Variants in RBFOX1 observed in about 807,000 individuals in gnomAD.
RBFOX1 encodes the protein RNA binding fox-1 homolog 1, also known as RNA binding protein fox-1 homolog 1.
RBFOX1 carries 8 observed loss-of-function variants against 57.7 expected under a neutral mutation model. The observed-to-expected ratio is 0.14, with a 90% CI of 0.08 to 0.25. The LOEUF is 0.25. RBFOX1 is among the 10% of genes least tolerant of loss of function. The pLI, the probability that RBFOX1 is intolerant of heterozygous loss-of-function variation, is 1.00. For missense variants in RBFOX1, 611 were observed against 548.5 expected, an observed-to-expected ratio of 1.11 and a Z score of -1.14; for synonymous variants, 326 against 222.4, an observed-to-expected ratio of 1.47 and a Z score of -4.15.
In RBFOX1 at chr16:6,898,900, CGT is replaced by C. The variant is rs1491303721; in HGVS notation, c.-15-153156_-15-153155del. ...ACGTGTATAATACGTGTGTGCATCT[CGT>C]ATGTGTTTGTGCATATGTGTATATG... On this transcript the variant is annotated intron_variant, in intron 3 of 15. Transcript: ENST00000550418. Among the ~76,000 whole-genome samples, 960 of 142,806 alleles carry C rather than the reference CGT, an allele frequency of 6.7e-3. 16 individuals carry two copies. Among genetic ancestry groups the C allele is most frequent in the African/African-American group, 0.027 (912 of 34,078 alleles). 93.7% of individuals were successfully genotyped at this position (142,806 alleles called of 152,430 possible).
intron 1 of RBFOX1, among the ~76,000 whole-genome samples, chr16:5,373,476 C>T (rs76669676): frequency 0.035 from 5,364 of 152,160 alleles, 159 homozygotes; most frequent in East Asian, 0.089. Flanking sequence ...CTTTCTCTTC[C>T]TCCTCCTCTG....
At chr16:6,503,100 G>A (rs982359664) in intron 2 of RBFOX1, among the ~76,000 whole-genome samples, 4 of 152,168 alleles carry the variant, frequency 2.6e-5, no homozygotes, top group African/African-American at 9.7e-5. Context: ...ACAGACCTAA[G>A]AAACTATGAA....
At chr16:5,948,549 A>T (rs2059451361) in intron 4 of RBFOX1, among the ~76,000 whole-genome samples, 1 of 152,190 alleles carries the variant, frequency 6.6e-6, no homozygotes, top group African/African-American at 2.4e-5. Flanking sequence ...TAATTCATTG[A>T]CTGGTCTCCT....
intron 3 of RBFOX1, among the ~76,000 whole-genome samples, chr16:5,609,268 T>G (rs1435757610): frequency 6.6e-6 from 1 of 152,228 alleles, no homozygotes; most frequent in Non-Finnish European, 1.5e-5. Context: ...GCTATCTCAT[T>G]TTACAGAAAG....
At chr16:6,414,745 AG>A (rs2093573362) in intron 2 of RBFOX1, among the ~76,000 whole-genome samples, 1 of 152,180 alleles carries the variant, frequency 6.6e-6, no homozygotes. Context: ...TCTACAAAGC[AG>A]GGATTCTTAC....
intron 3 of RBFOX1, among the ~76,000 whole-genome samples, chr16:6,749,404 A>G (rs1163757630): frequency 2.0e-5 from 3 of 152,152 alleles, no homozygotes; most frequent in Admixed American, 1.3e-4. Context: ...GAGGCATGAG[A>G]TGGACCCTGG....
At chr16:6,235,085 A>C (rs1351242657) in intron 1 of RBFOX1, among the ~76,000 whole-genome samples, 2 of 152,174 alleles carry the variant, frequency 1.3e-5, no homozygotes. Flanking sequence ...GATATGGAAT[A>C]TAATTTGCTC....
chr16:5,873,210 A>T (rs1380742052), intron 4 of RBFOX1, among the ~76,000 whole-genome samples: 1 of 152,130 alleles, frequency 6.6e-6, no homozygotes, highest in Non-Finnish European at 1.5e-5. Flanking sequence ...TAAATAACCT[A>T]ATTAGGAATC....
chr16:7,304,588 G>T, intron 4 of RBFOX1: 1 of 985,334 alleles, frequency 1.0e-6, no homozygotes, highest in Non-Finnish European at 1.2e-6. Flanking sequence ...AGGTTCTGAG[G>T]AGGGGGCTCC....
intron 3 of RBFOX1, among the ~76,000 whole-genome samples, chr16:5,859,001 G>C (rs1293781615): frequency 1.3e-5 from 2 of 152,150 alleles, no homozygotes; most frequent in African/African-American, 4.8e-5. Flanking sequence ...GATCACATGA[G>C]ATCAGGAGTT....
chr16:7,193,038 C>T (rs28597946), intron 4 of RBFOX1, among the ~76,000 whole-genome samples: 15,098 of 152,222 alleles, frequency 0.099, 825 homozygotes, highest in African/African-American at 0.11. Context: ...ATGTCTTAAT[C>T]TCTGGAACCT....
intron 3 of RBFOX1, among the ~76,000 whole-genome samples, chr16:6,661,924 G>A (rs1348998802): frequency 2.6e-5 from 4 of 152,180 alleles, no homozygotes; most frequent in South Asian, 2.1e-4. Context: ...CATCATGGGA[G>A]TTCTACAATG....
intron 1 of RBFOX1, among the ~76,000 whole-genome samples, chr16:5,310,125 G>A (rs761630627): frequency 5.9e-5 from 9 of 152,140 alleles, no homozygotes; most frequent in Non-Finnish European, 8.8e-5. Flanking sequence ...GAGTGTAGAG[G>A]TAAAAAGTGT....
intron 4 of RBFOX1, among the ~76,000 whole-genome samples, chr16:7,148,046 C>G (rs546353667): frequency 3.3e-5 from 5 of 152,254 alleles, no homozygotes; most frequent in African/African-American, 1.2e-4. Context: ...AAATGAAAAA[C>G]TTTCTCTTTA....
intron 2 of RBFOX1, among the ~76,000 whole-genome samples, chr16:6,623,387 C>T (rs2154046899): frequency 6.6e-6 from 1 of 151,962 alleles, no homozygotes; most frequent in South Asian, 2.1e-4. Context: ...TTCTGATTGT[C>T]ACTTTCATGC....
At chr16:7,275,641 G>T (rs1050061077) in intron 4 of RBFOX1, among the ~76,000 whole-genome samples, 7 of 150,680 alleles carry the variant, frequency 4.6e-5, no homozygotes, top group Admixed American at 3.3e-4. Context: ...CAAATGATGA[G>T]CTTATCTGTT....
intron 3 of RBFOX1, among the ~76,000 whole-genome samples, chr16:6,995,446 T>A (rs1445854779): frequency 1.3e-5 from 2 of 151,916 alleles, no homozygotes; most frequent in East Asian, 3.9e-4. Flanking sequence ...CCCAAGCAAA[T>A]AATCTTGCTG....
At chr16:6,939,817 T>G (rs1408354229) in intron 3 of RBFOX1, among the ~76,000 whole-genome samples, 1 of 152,178 alleles carries the variant, frequency 6.6e-6, no homozygotes, top group Non-Finnish European at 1.5e-5. Flanking sequence ...GGACCAGAAT[T>G]TTTCACTAAG....
intron 2 of RBFOX1, among the ~76,000 whole-genome samples, chr16:6,595,783 G>A (rs368326258): frequency 6.6e-6 from 1 of 152,134 alleles, no homozygotes; most frequent in Non-Finnish European, 1.5e-5. Context: ...TCATGGATTT[G>A]ACTTGCATTT....
Sources: gnomAD v4.1 joint callset for allele counts (sites outside exome capture counted in the v4.1 genomes callset) on GRCh38, gnomAD v4.1.1 for gene constraint, MANE v1.5 for transcripts, NCBI Gene and HGNC (gene_info 2026-07-23, HGNC 2026-07-21) for gene names.